The following GABRG3 variants were observed in gnomAD, a reference collection of about 807,000 sequenced individuals.
GABRG3 encodes the protein gamma-aminobutyric acid type A receptor subunit gamma3, also known as gamma-aminobutyric acid receptor subunit gamma-3.
In GABRG3, 25 loss-of-function variants were observed where a neutral mutation model predicts 48.8. The observed-to-expected ratio is 0.51, with a 90% confidence interval of 0.37 to 0.72. The LOEUF is 0.72. Among genes scored for constraint, GABRG3 ranks in the 30% least tolerant of loss-of-function variants. GABRG3 has a pLI of 0.00. For missense variants in GABRG3, 394 were observed against 577.9 expected, an observed-to-expected ratio of 0.68 and a Z score of 3.26; for synonymous variants, 227 against 217.6, an observed-to-expected ratio of 1.04 and a Z score of -0.38.
intron 2 of GABRG3, 104 bp downstream of exon 2, chr15:26,977,254 C>A: frequency 8.1e-7 from 1 of 1,228,396 alleles, no homozygotes; most frequent in Non-Finnish European, 1.1e-6. Context: ...AAAGATAGTG[C>A]AGAAAGGTTT....
At chr15:27,020,669 T>A (rs1167705946) in intron 2 of GABRG3, among the ~76,000 whole-genome samples, 1 of 152,018 alleles carries the variant, frequency 6.6e-6, no homozygotes, top group Non-Finnish European at 1.5e-5. Context: ...CGCCCCCCTC[T>A]GCCTCCCAAA....
At position 27,513,645 on chromosome 15, in the gene GABRG3, C is replaced by T. The variant is rs111855881; in HGVS notation, c.713-6327C>T. On this transcript the variant is annotated intron_variant, in intron 6 of 9. Coordinates refer to ENST00000615808, the MANE Select transcript of GABRG3 (RefSeq NM_033223.5). The stretch of plus-strand genomic sequence containing the variant: ...AAACACATAATTAATGTTTGTGAGA[C>T]GAGGAAAAGAATAAAACAAATAGGA... Among the ~76,000 whole-genome samples the T allele has an allele frequency of 2.7e-3, 411 of 151,116 alleles. 4 individuals carry two copies. Among genetic ancestry groups the T allele is most frequent in the African/African-American group, 9.7e-3 (400 of 41,066 alleles).
chr15:27,004,799 G>T (rs977219380), intron 2 of GABRG3, among the ~76,000 whole-genome samples: 4 of 152,206 alleles, frequency 2.6e-5, no homozygotes, highest in African/African-American at 9.7e-5. Context: ...TTCGACATTT[G>T]TATTAGTTAC....
intron 3 of GABRG3, among the ~76,000 whole-genome samples, chr15:27,258,961 C>T (rs1178046673): frequency 6.6e-6 from 1 of 151,958 alleles, no homozygotes; most frequent in Non-Finnish European, 1.5e-5. Flanking sequence ...TGTGAGCTCA[C>T]ATTTCCTTTT....
chr15:27,298,077 C>T (rs2124066), intron 3 of GABRG3, among the ~76,000 whole-genome samples: 8,743 of 151,890 alleles, frequency 0.058, 791 homozygotes, highest in African/African-American at 0.2. Flanking sequence ...TAAAAACATA[C>T]GAATGATGTA....
intron 3 of GABRG3, among the ~76,000 whole-genome samples, chr15:27,257,838 T>C (rs1890666921): frequency 6.6e-6 from 1 of 151,642 alleles, no homozygotes; most frequent in African/African-American, 2.4e-5. Context: ...TAACTTTTTA[T>C]AGAGATGAGG....
At chr15:27,011,973 T>C (rs568261899) in intron 2 of GABRG3, among the ~76,000 whole-genome samples, 1 of 152,290 alleles carries the variant, frequency 6.6e-6, no homozygotes, top group African/African-American at 2.4e-5. Context: ...AGTTCAGTAG[T>C]GGTGGATAAC....
intron 3 of GABRG3, among the ~76,000 whole-genome samples, chr15:27,070,720 A>G (rs1896813061): frequency 6.6e-6 from 1 of 152,234 alleles, no homozygotes; most frequent in South Asian, 2.1e-4. Flanking sequence ...GGCATTTGGG[A>G]AGCCAGAAAT....
At chr15:27,162,572 A>G (rs1887231487) in intron 3 of GABRG3, among the ~76,000 whole-genome samples, 2 of 152,076 alleles carry the variant, frequency 1.3e-5, no homozygotes, top group Admixed American at 6.5e-5. Flanking sequence ...ATGGATATCA[A>G]TGGTATCCAA....
intron 5 of GABRG3, among the ~76,000 whole-genome samples, chr15:27,409,398 G>A (rs750868638): frequency 2.6e-5 from 4 of 151,868 alleles, no homozygotes; most frequent in East Asian, 3.9e-4. Flanking sequence ...AAAAAAAATC[G>A]CTTAGACATA....
intron 3 of GABRG3, among the ~76,000 whole-genome samples, chr15:27,044,572 A>G (rs1566918660): frequency 6.6e-6 from 1 of 152,260 alleles, no homozygotes; most frequent in South Asian, 2.1e-4. Context: ...TTAATACATA[A>G]TGATAAAGTA....
chr15:27,163,969 A>C (rs1244955860), intron 3 of GABRG3, among the ~76,000 whole-genome samples: 1 of 152,186 alleles, frequency 6.6e-6, no homozygotes, highest in Non-Finnish European at 1.5e-5. Context: ...GGACCAATTC[A>C]GTTACGGGGG....
At chr15:27,153,399 A>G (rs1898358823) in intron 3 of GABRG3, among the ~76,000 whole-genome samples, 1 of 152,180 alleles carries the variant, frequency 6.6e-6, no homozygotes, top group East Asian at 1.9e-4. Flanking sequence ...TACTGTAGCT[A>G]TACAATAGGC....
chr15:27,409,710 A>G (rs1354741391), intron 5 of GABRG3, among the ~76,000 whole-genome samples: 3 of 152,190 alleles, frequency 2.0e-5, no homozygotes, highest in African/African-American at 4.8e-5. Context: ...AACACTGTGC[A>G]TCTCTCCATT....
chr15:27,116,617 G>A (rs575269151), intron 3 of GABRG3, among the ~76,000 whole-genome samples: 2 of 152,312 alleles, frequency 1.3e-5, no homozygotes, highest in South Asian at 4.1e-4. Flanking sequence ...CATTTACTAT[G>A]GTTGCAGTGT....
At chr15:27,208,263 C>G (rs1888933949) in intron 3 of GABRG3, 1 of 178,228 alleles carries the variant, frequency 5.6e-6, no homozygotes, top group Non-Finnish European at 1.2e-5. Context: ...TGGCTGTAAC[C>G]TTCCCAGCAC....
intron 5 of GABRG3, among the ~76,000 whole-genome samples, chr15:27,358,363 T>C (rs1357443428): frequency 1.3e-5 from 2 of 152,174 alleles, no homozygotes; most frequent in African/African-American, 2.4e-5. Context: ...TTTTAAATCC[T>C]TTGGCAAATC....
chr15:27,386,375 G>A (rs1383523131), intron 5 of GABRG3, among the ~76,000 whole-genome samples: 2 of 152,146 alleles, frequency 1.3e-5, no homozygotes, highest in African/African-American at 4.8e-5. Context: ...CAAGATGAGT[G>A]ACAGCTTAGC....
intron 2 of GABRG3, among the ~76,000 whole-genome samples, chr15:26,989,086 T>A (rs1895201860): frequency 1.3e-5 from 2 of 151,684 alleles, no homozygotes; most frequent in African/African-American, 4.8e-5. Context: ...CTTGCCACTC[T>A]TCTTTGAGCC....
Sources: allele counts gnomAD v4.1 joint callset (sites outside exome capture counted in the v4.1 genomes callset), GRCh38; gene constraint gnomAD v4.1.1; transcripts MANE v1.5; gene names NCBI Gene and HGNC (gene_info 2026-07-23, HGNC 2026-07-21).